ZMIZ1: variants seen among roughly 807,000 people sequenced by gnomAD.
ZMIZ1 encodes zinc finger MIZ-type containing 1.
Under a neutral mutation model 113.9 loss-of-function variants are expected in ZMIZ1, and 17 were observed. The ratio of observed to expected loss-of-function variants is 0.15; its 90% CI spans 0.10 to 0.22. The LOEUF is 0.22. Ranked by LOEUF, ZMIZ1 falls within the 10% of genes least tolerant of loss-of-function variation. ZMIZ1 has a pLI of 1.00. For missense variants in ZMIZ1, 1,059 were observed against 1,477.8 expected, an observed-to-expected ratio of 0.72 and a Z score of 4.65; for synonymous variants, 607 against 603.1, an observed-to-expected ratio of 1.01 and a Z score of -0.09.
intron 1 of ZMIZ1, among the ~76,000 whole-genome samples, chr10:79,110,573 C>T (rs373908496): frequency 2.6e-5 from 4 of 152,304 alleles, no homozygotes; most frequent in Non-Finnish European, 2.9e-5. Flanking sequence ...TGATGTTGGC[C>T]GACTACAAAG....
chr10:79,154,775 A>G (rs548924690), intron 3 of ZMIZ1, among the ~76,000 whole-genome samples: 2 of 152,170 alleles, frequency 1.3e-5, no homozygotes, highest in Admixed American at 1.3e-4. Flanking sequence ...GTGGGGGTCT[A>G]TGAAGCCTCT....
chr10:79,270,455 G>A (rs1851877791), intron 7 of ZMIZ1, among the ~76,000 whole-genome samples: 1 of 152,168 alleles, frequency 6.6e-6, no homozygotes, highest in Admixed American at 6.5e-5. Flanking sequence ...CATATCCACT[G>A]GGTCCCATTT....
At chr10:79,092,706 A>G (rs1376833242) in intron 1 of ZMIZ1, among the ~76,000 whole-genome samples, 1 of 152,118 alleles carries the variant, frequency 6.6e-6, no homozygotes, top group Non-Finnish European at 1.5e-5. Flanking sequence ...TGATTAGTCT[A>G]CTTGGTTACA....
Position 79,293,624 on chromosome 10 carries a change from C to G in ZMIZ1, c.1201C>G (p.Gln401Glu), listed in dbSNP as rs1247650191. The G allele has an allele frequency of 1.2e-6, 2 of 1,613,016 alleles. No individual in the cohort carries two copies. Among genetic ancestry groups the G allele is most frequent in the African/African-American group, 2.7e-5 (2 of 74,936 alleles). The change falls in exon 12 of 25, where the codon CAG (glutamine) becomes GAG (glutamate). Residue 401 changes from glutamine to glutamate, a missense_variant. Physicochemically the swap from Gln to Glu is conservative, Grantham distance 29. Coordinates refer to ENST00000334512, the MANE Select transcript of ZMIZ1 (RefSeq NM_020338.4). ...CCCCCGGCCCCAGTCCCTTCCTATT[C>G]AGAACATAAAGAGGCCATACCCTGG... Reference protein sequence around the residue: ...PGPRPQSLPIQNIKRPYPGEP... With the variant: ...PGPRPQSLPIENIKRPYPGEP...
intron 3 of ZMIZ1, among the ~76,000 whole-genome samples, chr10:79,141,014 C>T (rs1186068894): frequency 6.6e-6 from 1 of 152,094 alleles, no homozygotes; most frequent in Non-Finnish European, 1.5e-5. Flanking sequence ...GAAGACAGAG[C>T]CAATTTAGCC....
intron 7 of ZMIZ1, among the ~76,000 whole-genome samples, chr10:79,263,136 G>A (rs1345505715): frequency 1.3e-5 from 2 of 152,262 alleles, no homozygotes; most frequent in African/African-American, 2.4e-5. Flanking sequence ...CGCCAGCGCA[G>A]TGGCGCAGTG....
chr10:79,125,609 T>C lies in ZMIZ1; in HGVS notation c.-227+6585T>C, dbSNP rs116044733. Among the ~76,000 whole-genome samples, 1,479 of 152,304 alleles carry C rather than the reference T, an allele frequency of 9.7e-3. 15 individuals are homozygous for C. The highest frequency in any genetic ancestry group is 0.032 in the African/African-American group (1,316 of 41,558). On this transcript the variant is annotated intron_variant, in intron 2 of 24. Transcript: ENST00000334512. The stretch of plus-strand genomic sequence containing the variant: ...ATGAGCCACACACCCAGGCCACACA[T>C]TGGGGCAGAGGACAGCCTTGGCCGT...
chr10:79,166,725 A>G (rs1298505031), intron 4 of ZMIZ1, among the ~76,000 whole-genome samples: 5 of 152,240 alleles, frequency 3.3e-5, no homozygotes, highest in African/African-American at 4.8e-5. Context: ...TATGCTCATG[A>G]ATAAGTAAAT....
At chr10:79,294,174 G>C in intron 12 of ZMIZ1, 1 of 177,502 alleles carries the variant, frequency 5.6e-6, no homozygotes. Context: ...CTGGAAGGCA[G>C]AGAGCGTGTT....
In ZMIZ1 at chr10:79,314,500, G is replaced by T; in HGVS notation, c.*1751G>T. 3.1e-6 allele frequency: 1 copy of T among 327,572 alleles called. No individual in the cohort carries two copies. Among genetic ancestry groups the T allele is most frequent in the Non-Finnish European group, 6.0e-6 (1 of 166,202 alleles). 20.3% of individuals were successfully genotyped at this position (327,572 alleles called of 1,614,324 possible). On this transcript the variant is annotated 3_prime_UTR_variant, in exon 25 of 25. Transcript: ENST00000334512. ...TTTTCTTCCTTTGTCCCGTTGTCGA[G>T]GTTTTTTCAAATAGCGTGTTGTTCA...
At position 79,277,212 on chromosome 10, in the gene ZMIZ1, C is replaced by T. The variant is rs757199404; in HGVS notation, c.312C>T (p.Gly104=). The part of the protein sequence containing the change: ...ALLSSWCEEL[G]RLLLLRHQKS... ...TGTCCTCCTGGTGCGAAGAGCTCGG[C>T]CGCCTGCTGCTGCTCCGACATCAGA... Residue 104 remains glycine, a synonymous_variant, in exon 8 of 25, where the codon GGC becomes GGT. Transcript: ENST00000334512. 28 of 1,580,456 alleles carry T rather than the reference C, an allele frequency of 1.8e-5. No individual in the cohort carries two copies. The highest frequency in any genetic ancestry group is 2.2e-5 in the Non-Finnish European group (26 of 1,163,068).
chr10:79,083,936 G>T (rs1842733886), intron 1 of ZMIZ1, among the ~76,000 whole-genome samples: 1 of 152,046 alleles, frequency 6.6e-6, no homozygotes. Flanking sequence ...AAAAATAGAG[G>T]CATAGTGGGT....
intron 4 of ZMIZ1, among the ~76,000 whole-genome samples, chr10:79,197,897 A>G (rs1847910195): frequency 6.6e-6 from 1 of 152,122 alleles, no homozygotes; most frequent in African/African-American, 2.4e-5. Context: ...TGAACACAAG[A>G]AAATGATTTC....
intron 7 of ZMIZ1, among the ~76,000 whole-genome samples, chr10:79,244,334 G>T (rs1214803151): frequency 6.6e-6 from 1 of 152,252 alleles, no homozygotes; most frequent in African/African-American, 2.4e-5. Context: ...TTCAGGAGAT[G>T]CCTGGTTGTG....
At chr10:79,254,244 T>A (rs1016112083) in intron 7 of ZMIZ1, among the ~76,000 whole-genome samples, 1 of 152,176 alleles carries the variant, frequency 6.6e-6, no homozygotes. Flanking sequence ...GTGGCCTGTT[T>A]GAGGGCCAGT....
chr10:79,131,631 G>T (rs1003404924), intron 2 of ZMIZ1, among the ~76,000 whole-genome samples: 2 of 152,158 alleles, frequency 1.3e-5, no homozygotes, highest in Non-Finnish European at 2.9e-5. Flanking sequence ...ACTTAGAGCA[G>T]CTCTGCATGG....
At chr10:79,199,098 G>T (rs531189952) in intron 4 of ZMIZ1, among the ~76,000 whole-genome samples, 19 of 152,182 alleles carry the variant, frequency 1.2e-4, no homozygotes, top group African/African-American at 4.6e-4. Flanking sequence ...AGCCCCCAGA[G>T]CAGAGGGGCC....
intron 1 of ZMIZ1, among the ~76,000 whole-genome samples, chr10:79,105,214 C>G (rs1431544615): frequency 6.6e-6 from 1 of 152,200 alleles, no homozygotes; most frequent in Non-Finnish European, 1.5e-5. Flanking sequence ...GGTGTAAAAA[C>G]TGCTACCACA....
intron 18 of ZMIZ1, 140 bp from the exon 19 acceptor site, chr10:79,303,874 GC>G: frequency 8.2e-7 from 1 of 1,222,886 alleles, no homozygotes; most frequent in Non-Finnish European, 1.1e-6. Flanking sequence ...GCCACACACT[GC>G]CCTCTCAGCG....
Sources: allele counts gnomAD v4.1 joint callset (sites outside exome capture counted in the v4.1 genomes callset), GRCh38; gene constraint gnomAD v4.1.1; transcripts MANE v1.5; gene names NCBI Gene and HGNC (gene_info 2026-07-23, HGNC 2026-07-21).